Variants in ANKS1B observed in about 807,000 individuals in gnomAD.
ANKS1B encodes ankyrin repeat and sterile alpha motif domain containing 1B, also known as ankyrin repeat and sterile alpha motif domain-containing protein 1B.
ANKS1B carries 36 observed loss-of-function variants against 148.3 expected under a neutral mutation model. That is an observed-to-expected ratio of 0.24 (90% CI 0.19 to 0.32). ANKS1B has a LOEUF of 0.32. Among genes scored for constraint, ANKS1B ranks in the 10% least tolerant of loss-of-function variants. ANKS1B has a pLI of 1.00. For synonymous variants in ANKS1B, 542 were observed against 560.8 expected (o/e 0.97, Z 0.47); for missense variants, 1,157 against 1,542.6 (o/e 0.75, Z 4.19).
At chr12:99,346,841 T>A (rs1210634897) in intron 12 of ANKS1B, among the ~76,000 whole-genome samples, 1 of 151,980 alleles carries the variant, frequency 6.6e-6, no homozygotes, top group Non-Finnish European at 1.5e-5. Context: ...ACGTGCCTGC[T>A]TCCCCTTCAC....
intron 12 of ANKS1B, among the ~76,000 whole-genome samples, chr12:99,301,749 C>A (rs530247358): frequency 6.6e-6 from 1 of 152,114 alleles, no homozygotes; most frequent in African/African-American, 2.4e-5. Context: ...ATAAAATCAT[C>A]AGGAAATAGC....
chr12:99,361,326 G>A (rs1322018833), intron 12 of ANKS1B, among the ~76,000 whole-genome samples: 10 of 152,140 alleles, frequency 6.6e-5, no homozygotes, highest in Non-Finnish European at 1.3e-4. Context: ...AAAAGTTGAC[G>A]AATCAAGTAC....
chr12:98,789,471 C>T (rs1256730781), intron 22 of ANKS1B, among the ~76,000 whole-genome samples: 1 of 151,696 alleles, frequency 6.6e-6, no homozygotes, highest in East Asian at 1.9e-4. Context: ...TAAGCACATG[C>T]TCTTGAGAGA....
At chr12:98,757,868 G>C (rs1443738318) in intron 25 of ANKS1B, among the ~76,000 whole-genome samples, 7 of 152,082 alleles carry the variant, frequency 4.6e-5, no homozygotes, top group Non-Finnish European at 8.8e-5. Flanking sequence ...TACGGCGATT[G>C]GTCTGGAGTA....
At chr12:99,553,847 GCCGAA>G (rs1234120156) in intron 9 of ANKS1B, among the ~76,000 whole-genome samples, 1 of 152,194 alleles carries the variant, frequency 6.6e-6, no homozygotes, top group African/African-American at 2.4e-5. Flanking sequence ...TAGTCAGGTG[GCCGAA>G]GACTGTCCAA....
intron 17 of ANKS1B, among the ~76,000 whole-genome samples, chr12:99,004,357 C>G (rs148105927): frequency 6.6e-6 from 1 of 152,192 alleles, no homozygotes; most frequent in East Asian, 1.9e-4. Context: ...GGGATTATAC[C>G]AATATCGTCC....
intron 9 of ANKS1B, among the ~76,000 whole-genome samples, chr12:99,524,201 C>T (rs1021573925): frequency 6.6e-6 from 1 of 152,104 alleles, no homozygotes; most frequent in African/African-American, 2.4e-5. Context: ...AAAACTACAA[C>T]ATGAATATGA....
chr12:99,925,170 G>A (rs1055177300), intron 1 of ANKS1B, among the ~76,000 whole-genome samples: 3 of 152,080 alleles, frequency 2.0e-5, no homozygotes, highest in East Asian at 1.9e-4. Flanking sequence ...AGAGCTAGGC[G>A]CTCACAAGAA....
chr12:99,912,199 G>T (rs2094026114), intron 1 of ANKS1B, among the ~76,000 whole-genome samples: 1 of 152,104 alleles, frequency 6.6e-6, no homozygotes, highest in Non-Finnish European at 1.5e-5. Flanking sequence ...GGCAGTGTCT[G>T]GTAAAGACTC....
chr12:98,743,541 T>C (rs1280620168), downstream of ANKS1B, among the ~76,000 whole-genome samples: 1 of 150,842 alleles, frequency 6.6e-6, no homozygotes, highest in African/African-American at 2.5e-5. Flanking sequence ...GCCTCTCATC[T>C]GCCCCCTGCA....
At chr12:99,588,232 A>G (rs1039757108) in intron 9 of ANKS1B, among the ~76,000 whole-genome samples, 2 of 152,174 alleles carry the variant, frequency 1.3e-5, no homozygotes, top group Non-Finnish European at 2.9e-5. Context: ...CTTAGAATTA[A>G]TAAACTGTCT....
At position 98,832,150 on chromosome 12, in the gene ANKS1B, T is replaced by C; in HGVS notation, c.2779-14A>G. On this transcript the variant is annotated splice_polypyrimidine_tract_variant and intron_variant, in intron 17 of 26. Coordinates refer to ENST00000683438, the MANE Select transcript of ANKS1B (RefSeq NM_001352186.2). ...GATTTTTAAAACCTGAAACAACATATATTTGGGTTAAATATTTCACTGGAG... is the reference window on the plus strand; with the variant it reads ...GATTTTTAAAACCTGAAACAACATACATTTGGGTTAAATATTTCACTGGAG... 1 of 1,537,160 alleles carries C rather than the reference T, an allele frequency of 6.5e-7. No individual in the cohort carries two copies. Among genetic ancestry groups the C allele is most frequent in the Non-Finnish European group, 8.8e-7 (1 of 1,134,322 alleles).
Position 99,267,808 on chromosome 12 carries a change from A to G in ANKS1B, c.1757-20944T>C, listed in dbSNP as rs558215824. 1.1e-4 allele frequency among the ~76,000 whole-genome samples: 16 copies of G among 152,378 alleles called. No homozygotes were observed. In the South Asian group the frequency reaches 3.3e-3, roughly 32 times the overall value. ...GAGGACAGGTAGGACTTAGATATGCAGAAATGAGTGAGGTGCATTCCAAGC... is the reference window on the plus strand; with the variant it reads ...GAGGACAGGTAGGACTTAGATATGCGGAAATGAGTGAGGTGCATTCCAAGC... On this transcript the variant is annotated intron_variant, in intron 12 of 26. Transcript: ENST00000683438.
chr12:99,449,560 G>A (rs1329305033), intron 10 of ANKS1B, among the ~76,000 whole-genome samples: 1 of 151,978 alleles, frequency 6.6e-6, no homozygotes, highest in Non-Finnish European at 1.5e-5. Context: ...TACGTGTGCA[G>A]ATAAAAGAAA....
chr12:99,924,199 C>T (rs1001034794), intron 1 of ANKS1B, among the ~76,000 whole-genome samples: 5 of 151,862 alleles, frequency 3.3e-5, no homozygotes, highest in Admixed American at 2.6e-4. Context: ...TGGTGGTGGG[C>T]CTTTTACAGA....
chr12:99,206,384 G>A (rs564766696), intron 14 of ANKS1B, among the ~76,000 whole-genome samples: 1 of 152,068 alleles, frequency 6.6e-6, no homozygotes, highest in Non-Finnish European at 1.5e-5. Flanking sequence ...GCATGTTTCA[G>A]ATGAACAACA....
In ANKS1B at chr12:99,915,701, T is replaced by C. The variant is rs561699477; in HGVS notation, c.134+68403A>G. On this transcript the variant is annotated intron_variant, in intron 1 of 26. Coordinates refer to ENST00000683438, the MANE Select transcript of ANKS1B (RefSeq NM_001352186.2). ...ATTTTGTTTATAGAAGCAAAAGAGA[T>C]GGGTAATGTATTTGTTGCTAGGGCT... is the stretch of plus-strand genomic sequence containing the variant. Among the ~76,000 whole-genome samples, 9 of 152,284 alleles carry C rather than the reference T, an allele frequency of 5.9e-5. No individual in the cohort carries two copies. The South Asian group carries it at 1.2e-3, about 21-fold the overall frequency.
intron 1 of ANKS1B, among the ~76,000 whole-genome samples, chr12:99,913,050 C>T (rs1003806929): frequency 2.0e-5 from 3 of 152,166 alleles, no homozygotes; most frequent in South Asian, 2.1e-4. Context: ...CTATTATTCA[C>T]GAGCTACATA....
At chr12:98,815,557 G>T (rs1594563975) in intron 19 of ANKS1B, among the ~76,000 whole-genome samples, 1 of 152,198 alleles carries the variant, frequency 6.6e-6, no homozygotes, top group African/African-American at 2.4e-5. Flanking sequence ...CTGCCTGCTT[G>T]ATGCTTCTCC....
Sources: gnomAD v4.1 joint callset for allele counts (sites outside exome capture counted in the v4.1 genomes callset) on GRCh38, gnomAD v4.1.1 for gene constraint, MANE v1.5 for transcripts, NCBI Gene and HGNC (gene_info 2026-07-23, HGNC 2026-07-21) for gene names.